Variants in ISM1 observed in about 807,000 individuals in gnomAD.
ISM1 encodes isthmin 1.
In ISM1, 25 loss-of-function variants were observed where a neutral mutation model predicts 46.3. The observed-to-expected ratio is 0.54, with a 90% CI of 0.39 to 0.75. ISM1 has a LOEUF of 0.75. Ranked by LOEUF, ISM1 falls within the 30% of genes least tolerant of loss-of-function variation. The pLI is 0.00. For missense variants in ISM1, 536 were observed against 625.4 expected, an observed-to-expected ratio of 0.86 and a Z score of 1.52; for synonymous variants, 255 against 256.7, an observed-to-expected ratio of 0.99 and a Z score of 0.06.
chr20:13,223,658 G>T (rs1413448652), intron 1 of ISM1, among the ~76,000 whole-genome samples: 1 of 152,144 alleles, frequency 6.6e-6, no homozygotes, highest in Non-Finnish European at 1.5e-5. Flanking sequence ...AACTTTGTGG[G>T]TTCTCTCACC....
chr20:13,323,198 T>C, the ISM1 span, among the ~76,000 whole-genome samples: 1 of 151,168 alleles, frequency 6.6e-6, no homozygotes, highest in Middle Eastern at 3.2e-3. Context: ...AATAAGAGAG[T>C]CGGTAGGGTT....
At chr20:13,319,114 G>C in the ISM1 span, among the ~76,000 whole-genome samples, 3 of 152,238 alleles carry the variant, frequency 2.0e-5, no homozygotes, top group East Asian at 5.8e-4. Context: ...ATGTCTCTAT[G>C]GGGGCAGGGG....
intron 1 of ISM1, among the ~76,000 whole-genome samples, chr20:13,266,870 G>T (rs2040048455): frequency 6.6e-6 from 1 of 152,208 alleles, no homozygotes; most frequent in African/African-American, 2.4e-5. Context: ...TACTCAGTGA[G>T]TGAACTTGGT....
intron 1 of ISM1, chr20:13,239,432 T>C (rs1372830690): frequency 6.6e-6 from 1 of 152,240 alleles, no homozygotes; most frequent in African/African-American, 2.4e-5. Flanking sequence ...CTCCCTGAGA[T>C]CTGAGAAGGG....
chr20:13,253,547 A>G (rs2039890776), intron 1 of ISM1, among the ~76,000 whole-genome samples: 1 of 152,278 alleles, frequency 6.6e-6, no homozygotes, highest in African/African-American at 2.4e-5. Context: ...TCTCTTGGTG[A>G]GAGCAGAGGT....
the ISM1 span, among the ~76,000 whole-genome samples, chr20:13,316,958 T>C: frequency 7.6e-3 from 1,146 of 151,448 alleles, 65 homozygotes; most frequent in Admixed American, 0.07. Context: ...GAAAAAGAAA[T>C]AAAAGCCATA....
At chr20:13,313,385 A>G in the ISM1 span, among the ~76,000 whole-genome samples, 1 of 152,328 alleles carries the variant, frequency 6.6e-6, no homozygotes, top group Non-Finnish European at 1.5e-5. Flanking sequence ...TGTGTCAATC[A>G]CAGAATTTTG....
intron 1 of ISM1, among the ~76,000 whole-genome samples, chr20:13,223,188 A>AAAATAAAATAAAAT (rs371091090): frequency 1.8e-4 from 27 of 147,182 alleles, no homozygotes; most frequent in African/African-American, 7.0e-4. Context: ...AAAATAAAAT[A>AAAATAAAATAAAAT]AAATAAATAA....
At chr20:13,230,843 A>C (rs950448842) in intron 1 of ISM1, among the ~76,000 whole-genome samples, 17 of 152,236 alleles carry the variant, frequency 1.1e-4, no homozygotes, top group African/African-American at 3.9e-4. Flanking sequence ...AACTGTGAAC[A>C]TAAATACGTA....
downstream of ISM1, among the ~76,000 whole-genome samples, chr20:13,304,834 A>G (rs560767280): frequency 2.5e-4 from 38 of 152,198 alleles, no homozygotes; most frequent in African/African-American, 8.9e-4. Flanking sequence ...CACCTACTTG[A>G]AAACACACAC....
chr20:13,318,809 GC>G, the ISM1 span, among the ~76,000 whole-genome samples: 1 of 152,172 alleles, frequency 6.6e-6, no homozygotes, highest in Non-Finnish European at 1.5e-5. Context: ...CAACTACATA[GC>G]CTTCTAGAAA....
At chr20:13,266,318 T>C (rs2040042780) in intron 1 of ISM1, among the ~76,000 whole-genome samples, 3 of 152,214 alleles carry the variant, frequency 2.0e-5, no homozygotes, top group African/African-American at 7.2e-5. Flanking sequence ...TTCCTGTTTT[T>C]GATAAGTTCT....
At chr20:13,268,334 TCTC>T (rs2040070384) in intron 1 of ISM1, among the ~76,000 whole-genome samples, 5 of 149,124 alleles carry the variant, frequency 3.4e-5, no homozygotes, top group African/African-American at 7.4e-5. Flanking sequence ...TCTTTCTCCT[TCTC>T]CTTCTTCTTC....
At chr20:13,269,942 T>TGGATGGATGGAC (rs1373669047) in intron 1 of ISM1, among the ~76,000 whole-genome samples, 2 of 151,486 alleles carry the variant, frequency 1.3e-5, no homozygotes, top group African/African-American at 2.4e-5. Context: ...GAAGGATGGA[T>TGGATGGATGGAC]GGATGGATGG....
chr20:13,300,380 A>G lies in ISM1; in HGVS notation c.*921A>G. 1 of 152,156 alleles carries G rather than the reference A, an allele frequency of 6.6e-6. No individual in the cohort carries two copies. The highest frequency in any genetic ancestry group is 2.1e-4 in the South Asian group (1 of 4,830). The allele number at this position is 152,156 out of a possible 1,614,324, so 9.4% of individuals were successfully genotyped here. On this transcript the variant is annotated 3_prime_UTR_variant, in exon 6 of 6. Coordinates refer to ENST00000262487, the MANE Select transcript of ISM1 (RefSeq NM_080826.2). ...TTAATACTATTTTAACAATTTTTTC[A>G]TCTACCAATATATCCCCAATAAATA...
At chr20:13,224,995 G>A (rs1419702687) in intron 1 of ISM1, among the ~76,000 whole-genome samples, 14 of 150,344 alleles carry the variant, frequency 9.3e-5, no homozygotes, top group African/African-American at 2.7e-4. Flanking sequence ...ACAGGCGCCT[G>A]CCACCACGCC....
intron 1 of ISM1, among the ~76,000 whole-genome samples, chr20:13,235,727 A>G (rs988021346): frequency 1.3e-5 from 2 of 152,114 alleles, no homozygotes; most frequent in Non-Finnish European, 2.9e-5. Flanking sequence ...ACTGCTTACA[A>G]ATTGTGTGCT....
downstream of ISM1, among the ~76,000 whole-genome samples, chr20:13,304,053 C>G (rs1255797348): frequency 6.6e-6 from 1 of 152,154 alleles, no homozygotes; most frequent in East Asian, 1.9e-4. Context: ...GTATGACTTT[C>G]TAGGATGCCC....
the ISM1 span, among the ~76,000 whole-genome samples, chr20:13,318,999 G>T: frequency 6.6e-6 from 1 of 152,124 alleles, no homozygotes; most frequent in Non-Finnish European, 1.5e-5. Context: ...ACAACAGCAC[G>T]AGTGAACCCT....
Sources: allele counts gnomAD v4.1 joint callset (sites outside exome capture counted in the v4.1 genomes callset), GRCh38; gene constraint gnomAD v4.1.1; transcripts MANE v1.5; gene names NCBI Gene and HGNC (gene_info 2026-07-23, HGNC 2026-07-21).